ARFGEF1: variants seen among roughly 807,000 people sequenced by gnomAD.
The protein encoded by ARFGEF1 is brefeldin A-inhibited guanine nucleotide-exchange protein 1.
Under a neutral mutation model 231.0 loss-of-function variants are expected in ARFGEF1, and 42 were observed. The observed-to-expected ratio is 0.18, with a 90% CI of 0.14 to 0.24. The LOEUF is 0.24. ARFGEF1 is among the 10% of genes least tolerant of loss of function. ARFGEF1 has a pLI of 1.00. For synonymous variants in ARFGEF1, 710 were observed against 732.3 expected, an observed-to-expected ratio of 0.97 and a Z score of 0.49; for missense variants, 1,345 against 2,192.0, an observed-to-expected ratio of 0.61 and a Z score of 7.72.
rs1437600254 is a variant in ARFGEF1, at chr8:67,266,859, T to C, written c.1921+17A>G. The C allele has an allele frequency of 3.1e-6, 5 of 1,596,018 alleles. No individual in the cohort carries two copies. Among genetic ancestry groups the C allele is most frequent in the Non-Finnish European group, 3.4e-6 (4 of 1,167,208 alleles). ...ACTTAAAATGACAAAGAATTACAGC[T>C]CAAAATATCACCTTACCAAGAGTTG... On this transcript the variant is annotated intron_variant, in intron 13 of 38. Transcript: ENST00000262215.
chr8:67,287,376 G>C (rs967006455), intron 7 of ARFGEF1, among the ~76,000 whole-genome samples: 1 of 152,164 alleles, frequency 6.6e-6, no homozygotes, highest in African/African-American at 2.4e-5. Context: ...ACTGAGAGAA[G>C]ACATTTGGAG....
At chr8:67,182,317 C>T (rs932385643) in intron 5 of ARFGEF1, among the ~76,000 whole-genome samples, 4 of 146,248 alleles carry the variant, frequency 2.7e-5, no homozygotes, top group Admixed American at 1.4e-4. Context: ...CAGATTTCCC[C>T]TTTTTTTTTT....
intron 3 of ARFGEF1, among the ~76,000 whole-genome samples, chr8:67,300,733 A>C (rs1383301202): frequency 6.6e-6 from 1 of 151,574 alleles, no homozygotes; most frequent in African/African-American, 2.4e-5. Flanking sequence ...ATTCCCAACT[A>C]CTCAGAAGTC....
intron 5 of ARFGEF1, among the ~76,000 whole-genome samples, chr8:67,294,459 T>C (rs953055274): frequency 6.6e-6 from 1 of 152,128 alleles, no homozygotes; most frequent in Admixed American, 6.6e-5. Context: ...TGGATAAGGC[T>C]AAAGACAAAA....
intron 22 of ARFGEF1, among the ~76,000 whole-genome samples, chr8:67,236,962 T>G (rs1839789842): frequency 6.6e-6 from 1 of 152,232 alleles, no homozygotes; most frequent in Admixed American, 6.5e-5. Flanking sequence ...CTCGTTTGAC[T>G]AAAACTTCTA....
intron 1 of ARFGEF1, among the ~76,000 whole-genome samples, chr8:67,334,136 C>CA (rs368714166): frequency 0.024 from 1,023 of 43,080 alleles, 15 homozygotes; most frequent in East Asian, 0.06. Flanking sequence ...AACTCCGTCT[C>CA]AAAAAAAAAA....
Position 67,245,081 on chromosome 8 carries a change from G to A in ARFGEF1, c.2851-4791C>T, listed in dbSNP as rs1242890342. ...GATACAGTGGTATGACATATTTAAAGTGCTTATGGAAAAAAACTTTTACCT... is the reference window on the plus strand; with the variant it reads ...GATACAGTGGTATGACATATTTAAAATGCTTATGGAAAAAAACTTTTACCT... On this transcript the variant is annotated intron_variant, in intron 19 of 38. Transcript: ENST00000262215. Among the ~76,000 whole-genome samples, 3 of 150,624 alleles carry A rather than the reference G, an allele frequency of 2.0e-5. 1 individual carries two copies. Among genetic ancestry groups the A allele is most frequent in the East Asian group, 1.9e-4 (1 of 5,190 alleles).
intron 1 of ARFGEF1, among the ~76,000 whole-genome samples, chr8:67,327,340 G>A (rs1419532692): frequency 6.7e-4 from 94 of 140,196 alleles, no homozygotes; most frequent in Non-Finnish European, 7.9e-4. Context: ...TTTTTTTTGA[G>A]ACAGAGTTTC....
chr8:67,320,683 G>C (rs756325578), intron 1 of ARFGEF1, among the ~76,000 whole-genome samples: 2 of 152,202 alleles, frequency 1.3e-5, no homozygotes, highest in African/African-American at 4.8e-5. Flanking sequence ...ACAGTCAGGC[G>C]TGGTGGCTCA....
At chr8:67,324,043 C>T (rs937905393) in intron 1 of ARFGEF1, among the ~76,000 whole-genome samples, 6 of 152,092 alleles carry the variant, frequency 3.9e-5, no homozygotes, top group African/African-American at 1.4e-4. Context: ...CCTTGTGAAC[C>T]GCCCGCCTCG....
intron 1 of ARFGEF1, among the ~76,000 whole-genome samples, chr8:67,306,528 T>A (rs1386217657): frequency 1.3e-5 from 2 of 151,536 alleles, no homozygotes; most frequent in Non-Finnish European, 2.9e-5. Flanking sequence ...CTCATAATAT[T>A]ATTTTTACTA....
intron 34 of ARFGEF1, among the ~76,000 whole-genome samples, chr8:67,206,839 G>A (rs1838540879): frequency 6.6e-6 from 1 of 152,212 alleles, no homozygotes; most frequent in Admixed American, 6.5e-5. Flanking sequence ...TGGCTTCAAT[G>A]CTGGGCGACT....
rs914155493 is a variant in ARFGEF1 at position 67,257,810 on chromosome 8, A to G, written c.2448T>C (p.Thr816=). 10 of 1,602,646 alleles carry G rather than the reference A, an allele frequency of 6.2e-6. No homozygotes were observed. In the African/African-American group the frequency reaches 1.1e-4, roughly 17 times the overall value. ...AAGCTGTATCCGCACTAGCAAAGAG[A>G]GTTTGTCTGGAAAAATAAATGTATC... ...ARYLECNQGQ[T]LFASADTAYV... is the part of the protein sequence containing the mutation. The change falls in exon 17 of 39, where the codon ACT becomes ACC. Residue 816 remains threonine, a synonymous_variant. Coordinates refer to ENST00000262215, the MANE Select transcript of ARFGEF1 (RefSeq NM_006421.5).
intron 6 of ARFGEF1, among the ~76,000 whole-genome samples, chr8:67,289,280 CA>C (rs1344831159): frequency 1.3e-5 from 2 of 152,006 alleles, no homozygotes; most frequent in African/African-American, 2.4e-5. Context: ...CAGCTGAGCA[CA>C]GGGGGGGTCA....
chr8:67,202,764 A>G (rs1284509748), intron 36 of ARFGEF1, among the ~76,000 whole-genome samples: 1 of 152,142 alleles, frequency 6.6e-6, no homozygotes, highest in Non-Finnish European at 1.5e-5. Flanking sequence ...TTTTACACAT[A>G]TTTATTTCCT....
chr8:67,241,601 C>T (rs528688286), intron 19 of ARFGEF1, among the ~76,000 whole-genome samples: 3 of 152,142 alleles, frequency 2.0e-5, no homozygotes, highest in Non-Finnish European at 2.9e-5. Flanking sequence ...TGTGGAACAC[C>T]GTTTGGCAAT....
chr8:67,197,657 G>A, downstream of ARFGEF1: 1 of 985,770 alleles, frequency 1.0e-6, no homozygotes, highest in East Asian at 1.1e-4. Context: ...GGTTATACAG[G>A]TTTTGATTGC....
intron 17 of ARFGEF1, among the ~76,000 whole-genome samples, chr8:67,255,005 TAAG>T (rs756697473): frequency 6.6e-6 from 1 of 151,714 alleles, no homozygotes; most frequent in African/African-American, 2.4e-5. Flanking sequence ...CTGCTGCCAA[TAAG>T]AAGTAAAGGA....
At chr8:67,275,585 A>T (rs1805279018) in intron 9 of ARFGEF1, among the ~76,000 whole-genome samples, 1 of 152,108 alleles carries the variant, frequency 6.6e-6, no homozygotes, top group African/African-American at 2.4e-5. Flanking sequence ...CATTAGCTCC[A>T]AAGTTACTTA....
Sources: gnomAD v4.1 joint callset for allele counts (sites outside exome capture counted in the v4.1 genomes callset) on GRCh38, gnomAD v4.1.1 for gene constraint, MANE v1.5 for transcripts, NCBI Gene and HGNC (gene_info 2026-07-23, HGNC 2026-07-21) for gene names.